Variants in FAT3 observed in about 807,000 individuals in gnomAD.
The protein encoded by FAT3 is FAT atypical cadherin 3.
Under a neutral mutation model 310.2 loss-of-function variants are expected in FAT3, and 95 were observed. The ratio of observed to expected loss-of-function variants is 0.31; its 90% CI spans 0.26 to 0.36. The LOEUF (loss-of-function observed/expected upper bound fraction) is 0.36. Among genes scored for constraint, FAT3 ranks in the 10% least tolerant of loss-of-function variants. The pLI is 1.00. For synonymous variants in FAT3, 2,314 were observed against 2,192.9 expected, an observed-to-expected ratio of 1.06 and a Z score of -1.54; for missense variants, 5,408 against 5,715.6, an observed-to-expected ratio of 0.95 and a Z score of 1.74.
At chr11:92,292,868 T>C (rs1468822795) in intron 1 of FAT3, among the ~76,000 whole-genome samples, 2 of 151,922 alleles carry the variant, frequency 1.3e-5, no homozygotes, top group Non-Finnish European at 2.9e-5. Flanking sequence ...AAGCTCTCAG[T>C]TGGATTTGCT....
intron 1 of FAT3, among the ~76,000 whole-genome samples, chr11:92,256,014 A>G (rs1414514779): frequency 6.6e-6 from 1 of 152,162 alleles, no homozygotes; most frequent in Non-Finnish European, 1.5e-5. Flanking sequence ...TGCTGTAAAT[A>G]TCCTTAGCTT....
rs770923293 is a variant in FAT3 at position 92,354,413 on chromosome 11, T to A, written c.2301T>A (p.Asp767Glu). Residue 767 changes from aspartate to glutamate, a missense_variant, in exon 2 of 28, where the codon GAT becomes GAA. Around this residue, in one of 5 missense-constraint regions of FAT3, gnomAD observed 4,588 missense variants for 4,809.8 expected, o/e 0.95. Coordinates refer to ENST00000525166, the MANE Select transcript of FAT3 (RefSeq NM_001367949.2). Reference sequence around the variant, plus strand: ...GAAAAGTGCTATTTACAATATCAGATGGAAATACGGATAGTTGCTTTAATA... The same window carrying A: ...GAAAAGTGCTATTTACAATATCAGAAGGAAATACGGATAGTTGCTTTAATA... ...FNGKVLFTIS[D>E]GNTDSCFNID... The A allele has an allele frequency of 1.2e-6, 2 of 1,613,908 alleles. No homozygotes were observed. Among genetic ancestry groups the A allele is most frequent in the Non-Finnish European group, 1.7e-6 (2 of 1,179,860 alleles).
At chr11:92,784,006 G>T (rs547173464) in intron 7 of FAT3, among the ~76,000 whole-genome samples, 15 of 152,272 alleles carry the variant, frequency 9.9e-5, no homozygotes, top group African/African-American at 3.6e-4. Context: ...TGTACACATT[G>T]TATGTATAAA....
chr11:92,357,542 C>G (rs1288104786), intron 2 of FAT3, among the ~76,000 whole-genome samples: 1 of 152,048 alleles, frequency 6.6e-6, no homozygotes, highest in Non-Finnish European at 1.5e-5. Context: ...TCTTTATAGC[C>G]CCATTGTTTA....
At chr11:92,284,778 C>G (rs1293820275) in intron 1 of FAT3, among the ~76,000 whole-genome samples, 3 of 152,140 alleles carry the variant, frequency 2.0e-5, no homozygotes, top group African/African-American at 7.2e-5. Flanking sequence ...GCTGGCAGGT[C>G]AGCTTCTCTA....
intron 7 of FAT3, among the ~76,000 whole-genome samples, chr11:92,774,498 A>G (rs906008139): frequency 3.9e-5 from 6 of 152,216 alleles, no homozygotes; most frequent in Admixed American, 3.9e-4. Context: ...GAGGACATCT[A>G]TATTGCTTGA....
chr11:92,805,453 C>T, intron 11 of FAT3, 104 bp downstream of exon 11: 1 of 1,249,150 alleles, frequency 8.0e-7, no homozygotes. Context: ...CTGCTCTTAT[C>T]TGCAATTGGG....
At chr11:92,278,188 T>G (rs1946328099) in intron 1 of FAT3, among the ~76,000 whole-genome samples, 1 of 152,202 alleles carries the variant, frequency 6.6e-6, no homozygotes, top group Non-Finnish European at 1.5e-5. Flanking sequence ...GAGCTTATAG[T>G]TATGTATTTT....
At chr11:92,323,291 C>T (rs1947675277) in intron 1 of FAT3, among the ~76,000 whole-genome samples, 1 of 152,010 alleles carries the variant, frequency 6.6e-6, no homozygotes, top group South Asian at 2.1e-4. Flanking sequence ...CTCTGTCACC[C>T]AGTTTGGAGT....
intron 2 of FAT3, among the ~76,000 whole-genome samples, chr11:92,491,237 C>G (rs1412651385): frequency 6.6e-6 from 1 of 152,046 alleles, no homozygotes; most frequent in Non-Finnish European, 1.5e-5. Context: ...TGCCAATTCT[C>G]CCTTCCTCCT....
rs1411712064 is a variant in FAT3, at chr11:92,800,051, C to T, written c.7038C>T (p.Ile2346=). 6.8e-6 allele frequency: 11 copies of T among 1,613,818 alleles called. No individual in the cohort carries two copies. Among genetic ancestry groups the T allele is most frequent in the Non-Finnish European group, 9.3e-6 (11 of 1,179,864 alleles). The part of the protein sequence containing the change: ...YFHIDSSSGL[I]LTARMLDHEL... ...ACATAGATAGCTCAAGTGGCTTAATCCTGACAGCACGAATGCTGGACCATG... is the reference window on the plus strand; with the variant it reads ...ACATAGATAGCTCAAGTGGCTTAATTCTGACAGCACGAATGCTGGACCATG... Residue 2346 remains isoleucine (I), a synonymous_variant, in exon 10 of 28, where the codon ATC becomes ATT. Transcript: ENST00000525166.
In FAT3 at chr11:92,540,765, GTTTTGTTTTGTTTT is replaced by G. The variant is rs780677697; in HGVS notation, c.3607+15823_3607+15836del. 4.7e-4 allele frequency among the ~76,000 whole-genome samples: 49 copies of G among 103,428 alleles called. 1 individual carries two copies. The highest frequency in any genetic ancestry group is 3.4e-3 in the South Asian group (7 of 2,040). 67.9% of individuals were successfully genotyped at this position (103,428 alleles called of 152,430 possible). On this transcript the variant is annotated intron_variant, in intron 3 of 27. Coordinates refer to ENST00000525166, the MANE Select transcript of FAT3 (RefSeq NM_001367949.2). ...TTTTTGTTTTGTTTTGTTTTGTTTT[GTTTTGTTTTGTTTT>G]TTTTGACACAGATCCCAGTTGCTAA...
chr11:92,644,916 A>T (rs1405252778), intron 3 of FAT3, among the ~76,000 whole-genome samples: 1 of 152,084 alleles, frequency 6.6e-6, no homozygotes, highest in Non-Finnish European at 1.5e-5. Flanking sequence ...AGTCTTGGGG[A>T]AGAGGGACTT....
At chr11:92,854,511 G>A (rs972678699) in intron 19 of FAT3, among the ~76,000 whole-genome samples, 16 of 152,180 alleles carry the variant, frequency 1.1e-4, no homozygotes, top group African/African-American at 1.9e-4. Context: ...ACAGGCTATC[G>A]CTACCATCAC....
At position 92,411,317 on chromosome 11, in the gene FAT3, T is replaced by C. The variant is rs1222110711; in HGVS notation, c.3292+55913T>C. ...TAGGCATTGTAGGAATTTCAAAGTCTCATTAGACCAAAATCTAGTAGGGAA... is the reference window on the plus strand; with the variant it reads ...TAGGCATTGTAGGAATTTCAAAGTCCCATTAGACCAAAATCTAGTAGGGAA... On this transcript the variant is annotated intron_variant, in intron 2 of 27. Transcript: ENST00000525166. 2.0e-5 allele frequency among the ~76,000 whole-genome samples: 3 copies of C among 151,666 alleles called. No individual in the cohort carries two copies. In the East Asian group the frequency reaches 5.8e-4, roughly 29 times the overall value.
rs374233111 is a variant in FAT3, at chr11:92,704,052, G to A, written c.3669+6607G>A. 3.3e-5 allele frequency among the ~76,000 whole-genome samples: 5 copies of A among 152,306 alleles called. No homozygotes were observed. In the East Asian group the frequency reaches 5.8e-4, roughly 18 times the overall value. On this transcript the variant is annotated intron_variant, in intron 4 of 27. Coordinates refer to ENST00000525166, the MANE Select transcript of FAT3 (RefSeq NM_001367949.2). The stretch of plus-strand genomic sequence containing the variant: ...CTTTCTCTCTTTATGGAACAAATAT[G>A]GCTACCAATATCCATCAGCTTATTG...
At chr11:92,263,916 A>T (rs959450735) in intron 1 of FAT3, among the ~76,000 whole-genome samples, 1 of 152,056 alleles carries the variant, frequency 6.6e-6, no homozygotes, top group African/African-American at 2.4e-5. Flanking sequence ...CTGAACAACT[A>T]CTGGGTTCCA....
At chr11:92,878,401 C>T (rs767472767) in intron 22 of FAT3, among the ~76,000 whole-genome samples, 8 of 151,562 alleles carry the variant, frequency 5.3e-5, no homozygotes, top group Non-Finnish European at 7.4e-5. Flanking sequence ...TCCACAAATA[C>T]CCAAATACCT....
intron 3 of FAT3, among the ~76,000 whole-genome samples, chr11:92,559,927 A>C (rs1955163019): frequency 6.6e-6 from 1 of 152,170 alleles, no homozygotes; most frequent in Admixed American, 6.5e-5. Flanking sequence ...AATATATATA[A>C]GTTTTGTATA....
Sources: allele counts gnomAD v4.1 joint callset (sites outside exome capture counted in the v4.1 genomes callset), GRCh38; gene constraint gnomAD v4.1.1; regional missense constraint gnomAD v4.1.1; transcripts MANE v1.5; gene names NCBI Gene and HGNC (gene_info 2026-07-23, HGNC 2026-07-21).